The following KMT2D variants were observed in gnomAD, a reference collection of about 807,000 sequenced individuals.
The protein encoded by KMT2D is histone-lysine N-methyltransferase 2D.
A neutral mutation model predicts 512.7 loss-of-function variants in KMT2D; 55 were observed. That is an observed-to-expected ratio of 0.11 (90% CI 0.09 to 0.13). The LOEUF (loss-of-function observed/expected upper bound fraction) is 0.13, where lower values mean the gene tolerates loss of function less well. Among genes scored for constraint, KMT2D ranks in the 10% least tolerant of loss-of-function variants. The probability of loss-of-function intolerance (pLI) is 1.00; values close to 1 mark genes in which losing one functional copy is unlikely to be tolerated. For synonymous variants in KMT2D, 2,995 were observed against 2,904.0 expected (o/e 1.03, Z -1.01); for missense variants, 6,061 against 7,127.9 (o/e 0.85, Z 5.39).
At chr12:49,052,873 T>C in intron 9 of KMT2D, 42 bp downstream of exon 9, 1 of 1,610,002 alleles carries the variant, frequency 6.2e-7, no homozygotes, top group South Asian at 1.1e-5. Flanking sequence ...TGTCAGTTCT[T>C]CCAACCTGCC....
chr12:49,024,509 A>C lies in KMT2D; in HGVS notation c.16052+69T>G. On this transcript the variant is annotated intron_variant, in intron 51 of 54. Transcript: ENST00000301067. This position sits in a 1 kb window ranked among gnomAD's most constrained non-coding sequence, Gnocchi z 4.5. ...ACTCTGATCTGTATCCTAAATCCTC[A>C]TAATGGGACCAGAGGATCCCTGTCA... 1 of 1,528,662 alleles carries C rather than the reference A, an allele frequency of 6.5e-7. No homozygotes were observed. The highest frequency in any genetic ancestry group is 8.8e-7 in the Non-Finnish European group (1 of 1,136,962). 94.7% of individuals were successfully genotyped at this position (1,528,662 alleles called of 1,614,324 possible).
rs1937907897 is a variant in KMT2D, at chr12:49,050,634, G to A, written c.2954C>T (p.Pro985Leu). The A allele has an allele frequency of 6.2e-7, 1 of 1,613,162 alleles. No homozygotes were observed. Among genetic ancestry groups the A allele is most frequent in the Non-Finnish European group, 8.5e-7 (1 of 1,179,446 alleles). Residue 985 changes from proline (P) to leucine (L), a missense_variant, in exon 12 of 55, where the codon CCA becomes CTA. Coordinates refer to ENST00000301067, the MANE Select transcript of KMT2D (RefSeq NM_003482.4). ...APILETPISP[P>L]PEANCTDPEP... The stretch of plus-strand genomic sequence containing the variant: ...AGGGTCAGTGCAGTTAGCTTCTGGT[G>A]GAGGGCTGATGGGTGTCTCCAGGAT...
rs760565311 is a variant in KMT2D, at chr12:49,038,142, G to T, written c.9214C>A (p.Leu3072Met). 10 of 1,613,856 alleles carry T rather than the reference G, an allele frequency of 6.2e-6. No homozygotes were observed. The East Asian group carries it at 2.2e-4, about 36-fold the overall frequency. ...GCCTTCTCATTAGCCGATTCTACCA[G>T]CCTCAGGTGCTCATTGAAGATATCC... ...KKDIFNEHLR[L>M]VESANEKAER... Residue 3072 changes from leucine to methionine, a missense_variant, in exon 35 of 55, where the codon CTG becomes ATG. Transcript: ENST00000301067. This position sits in a 1 kb window ranked among gnomAD's most constrained non-coding sequence, Gnocchi z 5.7.
Position 49,041,130 on chromosome 12 carries a change from C to A in KMT2D, c.6640G>T (p.Ala2214Ser), listed in dbSNP as rs587783724. ...TGGCCAGCCCCAGGACGAGATGAGG[C>A]GCCCAGCATCGGGGGCTGCGCAGGG... is the stretch of plus-strand genomic sequence containing the variant. The part of the protein sequence containing the change: ...GAPAQPPMLG[A>S]SSRPGAGQPG... Residue 2214 changes from alanine to serine, a missense_variant, in exon 32 of 55, where the codon GCC becomes TCC. Ala to Ser is a moderately conservative substitution (Grantham distance 99). Around this residue, in one of 16 missense-constraint regions of KMT2D, gnomAD observed 710 missense variants for 647.3 expected, o/e 1.10. Transcript: ENST00000301067. This position sits in a 1 kb window ranked among gnomAD's most constrained non-coding sequence, Gnocchi z 5.4. 1.3e-6 allele frequency: 2 copies of A among 1,526,500 alleles called. No individual in the cohort carries two copies. The highest frequency in any genetic ancestry group is 2.6e-5 in the South Asian group (2 of 75,570). 94.6% of individuals were successfully genotyped at this position (1,526,500 alleles called of 1,614,324 possible). A position where few individuals can be genotyped will look rare whatever the true frequency, so the allele number is the denominator to read the frequency against.
Position 49,049,142 on chromosome 12 carries a change from C to T in KMT2D, c.3983G>A (p.Arg1328Gln), listed in dbSNP as rs375635160. 6.2e-5 allele frequency: 100 copies of T among 1,611,616 alleles called. No individual in the cohort carries two copies. The highest frequency in any genetic ancestry group is 1.6e-4 in the Middle Eastern group (1 of 6,082). ...AHGGRGRGRARLKSTASSIET... is the reference protein window; with the variant it reads ...AHGGRGRGRAQLKSTASSIET... ...AATGGAAGAAGCAGTTGACTTTAGC[C>T]GGGCCCGTCCTCTACCACGTCCTCC... The change falls in exon 13 of 55, where the codon CGG (arginine) becomes CAG (glutamine). Residue 1328 changes from arginine to glutamine, a missense_variant. Physicochemically the swap from Arg to Gln is conservative, Grantham distance 43 (BLOSUM62 1). Around this residue, in one of 16 missense-constraint regions of KMT2D, gnomAD observed 447 missense variants for 500.1 expected, o/e 0.89. Coordinates refer to ENST00000301067, the MANE Select transcript of KMT2D (RefSeq NM_003482.4).
rs1025536571 is a variant in KMT2D, at chr12:49,045,860, T to C, written c.4741+60A>G. The stretch of plus-strand genomic sequence containing the variant: ...GGAGATGAAGCTAGGGGGTTGGAGC[T>C]AGACTAGATGATGTCCGACGTCTGG... On this transcript the variant is annotated intron_variant, in intron 19 of 54. Transcript: ENST00000301067. The C allele has an allele frequency of 5.9e-6, 8 of 1,345,510 alleles. No individual in the cohort carries two copies. In the African/African-American group the frequency reaches 7.2e-5, roughly 12 times the overall value. The allele number at this position is 1,345,510 out of a possible 1,614,324, so 83.3% of individuals were successfully genotyped here. A position where few individuals can be genotyped will look rare whatever the true frequency, so the allele number is the denominator to read the frequency against.
chr12:49,022,377 G>A lies in KMT2D; in HGVS notation c.16339-24C>T. 6.3e-7 allele frequency: 1 copy of A among 1,594,022 alleles called. No individual in the cohort carries two copies. Among genetic ancestry groups the A allele is most frequent in the African/African-American group, 1.3e-5 (1 of 74,724 alleles). ...TTCTAGAAAGGCAGAGGTTGCAGAA[G>A]AAGGGACAAGAGTATCAGAGAGTGG... On this transcript the variant is annotated intron_variant, in intron 52 of 54. Transcript: ENST00000301067. This position sits in a 1 kb window ranked among gnomAD's most constrained non-coding sequence, Gnocchi z 8.6.
In KMT2D at chr12:49,027,240, G is replaced by A. The variant is rs766131184; in HGVS notation, c.14726C>T (p.Pro4909Leu). 6.4e-6 allele frequency: 10 copies of A among 1,551,538 alleles called. No individual in the cohort carries two copies. The East Asian group carries it at 2.2e-4, about 35-fold the overall frequency. ...GGGCGGGGAGGGTTCTTCAGGAGGTGGGGCCGAGAGCTGTCGCACATCCAG... is the reference window on the plus strand; with the variant it reads ...GGGCGGGGAGGGTTCTTCAGGAGGTAGGGCCGAGAGCTGTCGCACATCCAG... The part of the protein sequence containing the change: ...SNLDVRQLSA[P>L]PPEEPSPPPS... Residue 4909 changes from proline to leucine, a missense_variant, in exon 49 of 55, where the codon CCA (proline) becomes CTA (leucine). By Grantham distance (98) the Pro-to-Leu change is moderately conservative. This residue lies in a region of KMT2D where 1,600 missense variants were observed against 1,754.9 expected (regional missense o/e 0.91). Transcript: ENST00000301067.
Position 49,051,144 on chromosome 12 carries a change from C to A in KMT2D, c.2539G>T (p.Glu847Ter), listed in dbSNP as rs1439134461. 6.6e-7 allele frequency: 1 copy of A among 1,517,568 alleles called. No homozygotes were observed. Among genetic ancestry groups the A allele is most frequent in the Non-Finnish European group, 8.8e-7 (1 of 1,132,414 alleles). 94.0% of individuals were successfully genotyped at this position (1,517,568 alleles called of 1,614,324 possible). Reference sequence around the variant, plus strand: ...AGCTCAGGGGACAGATGCGATTCCTCAGGCCGGGGGGACAGGCATGGCTCC... The same window carrying A: ...AGCTCAGGGGACAGATGCGATTCCTAAGGCCGGGGGGACAGGCATGGCTCC... ...SEEPCLSPRP[E>*]ESHLSPELEK... The change falls in exon 11 of 55, where the codon GAG becomes TAG. Residue 847 changes from glutamate to a stop codon, truncating the protein, a stop_gained. Coordinates refer to ENST00000301067, the MANE Select transcript of KMT2D (RefSeq NM_003482.4). LOFTEE classifies it high-confidence loss of function.
intron 1 of KMT2D, among the ~76,000 whole-genome samples, chr12:49,058,780 A>G (rs1938561712): frequency 6.6e-6 from 1 of 152,222 alleles, no homozygotes; most frequent in African/African-American, 2.4e-5. Context: ...CCAGGGACTC[A>G]TGGGCAGCCA....
chr12:49,042,434 G>T lies in KMT2D; in HGVS notation c.5868-104C>A. 1 of 1,508,580 alleles carries T rather than the reference G, an allele frequency of 6.6e-7. No homozygotes were observed. Among genetic ancestry groups the T allele is most frequent in the Non-Finnish European group, 8.9e-7 (1 of 1,119,982 alleles). The allele number at this position is 1,508,580 out of a possible 1,614,324, so 93.4% of individuals were successfully genotyped here. A position where few individuals can be genotyped will look rare whatever the true frequency, so the allele number is the denominator to read the frequency against. Reference sequence around the variant, plus strand: ...CACTGCCCTGCCCCAAAAGAGGAGGGTCACTAACAAGGGAATGGGGAGGAG... The same window carrying T: ...CACTGCCCTGCCCCAAAAGAGGAGGTTCACTAACAAGGGAATGGGGAGGAG... On this transcript the variant is annotated intron_variant, in intron 28 of 54. Coordinates refer to ENST00000301067, the MANE Select transcript of KMT2D (RefSeq NM_003482.4). This position sits in a 1 kb window ranked among gnomAD's most constrained non-coding sequence, Gnocchi z 4.4.
intron 48 of KMT2D, 76 bp from the exon 49 acceptor site, chr12:49,027,398 C>T: frequency 8.3e-7 from 1 of 1,198,080 alleles, no homozygotes; most frequent in South Asian, 1.6e-5. Context: ...ACCCATATGC[C>T]ACCCTCCCAA....
rs1943503730 is a variant in KMT2D at position 49,041,145 on chromosome 12, G to A, written c.6625C>T (p.Pro2209Ser). The change falls in exon 32 of 55, where the codon CCC (proline) becomes TCC (serine). Residue 2209 changes from proline to serine, a missense_variant. Physicochemically the swap from Pro to Ser is moderately conservative, Grantham distance 74. This residue lies in a region of KMT2D where 710 missense variants were observed against 647.3 expected (regional missense o/e 1.10). Transcript: ENST00000301067. This position sits in a 1 kb window ranked among gnomAD's most constrained non-coding sequence, Gnocchi z 5.4. ...CGAGATGAGGCGCCCAGCATCGGGG[G>A]CTGCGCAGGGGCCCCCGTAGGACTA... ...YPSPTGAPAQPPMLGASSRPG... is the reference protein window; with the variant it reads ...YPSPTGAPAQSPMLGASSRPG... The A allele has an allele frequency of 3.3e-6, 5 of 1,525,102 alleles. No individual in the cohort carries two copies. Among genetic ancestry groups the A allele is most frequent in the South Asian group, 1.3e-5 (1 of 75,372 alleles). The allele number at this position is 1,525,102 out of a possible 1,614,324, so 94.5% of individuals were successfully genotyped here.
chr12:49,047,406 CTTTTTTTTT>C (rs57252968), intron 15 of KMT2D, among the ~76,000 whole-genome samples: 5 of 93,882 alleles, frequency 5.3e-5, no homozygotes, highest in South Asian at 3.7e-4. Flanking sequence ...CCAGTTTTTC[CTTTTTTTTT>C]TTTTTTTTTT....
rs398123707 is a variant in KMT2D, at chr12:49,033,482, TTGCTGCTGCTGC to T, written c.11211_11222del (p.Gln3742_Gln3745del). On this transcript the variant is annotated inframe_deletion, in exon 40 of 55. Coordinates refer to ENST00000301067, the MANE Select transcript of KMT2D (RefSeq NM_003482.4). The stretch of plus-strand genomic sequence containing the variant: ...GTCCTAGAAGGTGCTGCTGCTGCTG[TTGCTGCTGCTGC>T]TGCTGCTGCAGTTTCTGGGCCAGCT... 3.1e-6 allele frequency: 5 copies of T among 1,611,326 alleles called. No homozygotes were observed. The East Asian group carries it at 6.7e-5, about 22-fold the overall frequency.
At position 49,054,184 on chromosome 12, in the gene KMT2D, C is replaced by A. The variant is rs2120705684; in HGVS notation, c.511-44G>T. On this transcript the variant is annotated intron_variant, in intron 5 of 54. Transcript: ENST00000301067. This position sits in a 1 kb window ranked among gnomAD's most constrained non-coding sequence, Gnocchi z 6.4. ...AGCCTCAGTGTCAGCCAGCTCTCCC[C>A]AGACAAACAGTTCAGGCACTAGCTC... is the stretch of plus-strand genomic sequence containing the variant. The A allele has an allele frequency of 6.4e-7, 1 of 1,551,750 alleles. No individual in the cohort carries two copies. Among genetic ancestry groups the A allele is most frequent in the Admixed American group, 1.9e-5 (1 of 51,290 alleles).
chr12:49,037,773 G>A lies in KMT2D; in HGVS notation c.9583C>T (p.Leu3195=), dbSNP rs2120485448. 1.9e-6 allele frequency: 3 copies of A among 1,594,886 alleles called. No individual in the cohort carries two copies. The highest frequency in any genetic ancestry group is 1.7e-6 in the Non-Finnish European group (2 of 1,170,486). Residue 3195 remains leucine (L), a synonymous_variant, in exon 35 of 55, where the codon CTG becomes TTG. Coordinates refer to ENST00000301067, the MANE Select transcript of KMT2D (RefSeq NM_003482.4). Reference sequence around the variant, plus strand: ...CCACTCAGTGGGCTGGGGGTCAGCAGGTGAGCTGGTGGTCCTCCCGTGGCC... The same window carrying A: ...CCACTCAGTGGGCTGGGGGTCAGCAAGTGAGCTGGTGGTCCTCCCGTGGCC... ...FGATGGPPAH[L]LTPSPLSGPG...
intron 10 of KMT2D, 21 bp from the exon 11 acceptor site, chr12:49,052,445 T>C (rs1320575784): frequency 2.6e-6 from 4 of 1,539,588 alleles, no homozygotes; most frequent in South Asian, 2.5e-5. Context: ...AACAACACGA[T>C]GCTCCTATCT....
In KMT2D at chr12:49,054,217, G is replaced by A. The variant is rs2120706058; in HGVS notation, c.511-77C>T. The A allele has an allele frequency of 1.3e-6, 2 of 1,532,414 alleles. No individual in the cohort carries two copies. The highest frequency in any genetic ancestry group is 2.1e-4 in the Middle Eastern group (1 of 4,760). The allele number at this position is 1,532,414 out of a possible 1,614,324, so 94.9% of individuals were successfully genotyped here. A position where few individuals can be genotyped will look rare whatever the true frequency, so the allele number is the denominator to read the frequency against. On this transcript the variant is annotated intron_variant, in intron 5 of 54. Coordinates refer to ENST00000301067, the MANE Select transcript of KMT2D (RefSeq NM_003482.4). This position sits in a 1 kb window ranked among gnomAD's most constrained non-coding sequence, Gnocchi z 6.4. ...CAGTTCAGGCACTAGCTCTGCCCCA[G>A]TATACCCATGGTCCTTCTCATTCCA...
Sources: allele counts gnomAD v4.1 joint callset (sites outside exome capture counted in the v4.1 genomes callset), GRCh38; gene constraint gnomAD v4.1.1; regional missense constraint gnomAD v4.1.1; non-coding constraint Gnocchi (gnomAD v3.1); transcripts MANE v1.5; gene names NCBI Gene and HGNC (gene_info 2026-07-23, HGNC 2026-07-21).